Variants in CNNM2 observed in about 807,000 individuals in gnomAD.
The protein encoded by CNNM2 is metal transporter CNNM2.
A neutral mutation model predicts 66.9 loss-of-function variants in CNNM2; 12 were observed. The observed-to-expected ratio is 0.18, with a 90% CI of 0.11 to 0.29. The LOEUF is 0.29. CNNM2 is among the 10% of genes least tolerant of loss of function. The probability of loss-of-function intolerance (pLI) is 1.00; values close to 1 mark genes in which losing one functional copy is unlikely to be tolerated. For missense variants in CNNM2, 705 were observed against 1,167.7 expected (o/e 0.60, Z 5.77); for synonymous variants, 557 against 501.8 (o/e 1.11, Z -1.47).
rs181830026 is a variant in CNNM2, at chr10:102,967,977, C to T, written c.1621+47876C>T. Among the ~76,000 whole-genome samples, 6 of 152,338 alleles carry T rather than the reference C, an allele frequency of 3.9e-5. No individual in the cohort carries two copies. In the East Asian group the frequency reaches 1.2e-3, roughly 29 times the overall value. On this transcript the variant is annotated intron_variant, in intron 1 of 7. Transcript: ENST00000369878. ...GAGCTGAGATTGTGTCACTGTGCTC[C>T]AGCCTGAGCGACACAGTGAGACTCT...
At chr10:103,049,530 A>G (rs1338323628) in intron 1 of CNNM2, among the ~76,000 whole-genome samples, 177 bp from the exon 2 acceptor site, 1 of 152,178 alleles carries the variant, frequency 6.6e-6, no homozygotes, top group Non-Finnish European at 1.5e-5. Context: ...TCTGCCTTTT[A>G]ATGGCTCTTG....
chr10:103,056,755 CTGTT>C, intron 3 of CNNM2, 36 bp from the exon 4 acceptor site: 1 of 1,576,884 alleles, frequency 6.3e-7, no homozygotes, highest in African/African-American at 1.3e-5. Flanking sequence ...TTTTCTCTCT[CTGTT>C]TGAAATGTAA....
chr10:102,925,296 CAAAAAAAAAAAA>C (rs10624810), intron 1 of CNNM2, among the ~76,000 whole-genome samples: 13 of 17,748 alleles, frequency 7.3e-4, no homozygotes, highest in African/African-American at 1.3e-3. Flanking sequence ...AACTCCATCT[CAAAAAAAAAAAA>C]AAAAAAAAAA....
intron 1 of CNNM2, among the ~76,000 whole-genome samples, chr10:102,974,726 A>G (rs1024663942): frequency 3.9e-5 from 6 of 152,154 alleles, no homozygotes; most frequent in Admixed American, 3.3e-4. Flanking sequence ...TCATACAGGC[A>G]GGGTCTCACC....
intron 1 of CNNM2, among the ~76,000 whole-genome samples, chr10:102,930,320 A>C (rs1249862377): frequency 6.6e-6 from 1 of 152,210 alleles, no homozygotes; most frequent in East Asian, 1.9e-4. Flanking sequence ...ACGTGGAAAA[A>C]ATGAAAATAG....
At chr10:102,936,797 C>A (rs1034547874) in intron 1 of CNNM2, among the ~76,000 whole-genome samples, 1 of 151,994 alleles carries the variant, frequency 6.6e-6, no homozygotes, top group Non-Finnish European at 1.5e-5. Flanking sequence ...CTGTGTTGCT[C>A]CAAGTTTTTC....
intron 4 of CNNM2, among the ~76,000 whole-genome samples, chr10:103,068,135 T>A (rs2065512599): frequency 6.6e-6 from 1 of 152,210 alleles, no homozygotes; most frequent in African/African-American, 2.4e-5. Flanking sequence ...GAGCACCACC[T>A]TTCCATTGCT....
chr10:103,018,978 A>AG, intron 1 of CNNM2, among the ~76,000 whole-genome samples: 1 of 148,324 alleles, frequency 6.7e-6, no homozygotes, highest in Non-Finnish European at 1.5e-5. Context: ...TCTTAAAAGG[A>AG]TATTTACGGC....
rs59984156 is a variant in CNNM2 at position 103,017,963 on chromosome 10, C to CAA, written c.1622-31727_1622-31726dup. On this transcript the variant is annotated intron_variant, in intron 1 of 7. Coordinates refer to ENST00000369878, the MANE Select transcript of CNNM2 (RefSeq NM_017649.5). ...TGGGGGACAGAGCAAGAATCTGTCT[C>CAA]AAAAAAAAAAAAAAAAAAGGCAAGC... is the stretch of plus-strand genomic sequence containing the variant. Among the ~76,000 whole-genome samples, 168 of 78,832 alleles carry CAA rather than the reference C, an allele frequency of 2.1e-3. 3 individuals are homozygous for CAA. Among genetic ancestry groups the CAA allele is most frequent in the South Asian group, 4.1e-3 (11 of 2,680 alleles). 51.7% of individuals were successfully genotyped at this position (78,832 alleles called of 152,430 possible).
chr10:102,946,042 A>G (rs909228077), intron 1 of CNNM2, among the ~76,000 whole-genome samples: 6 of 152,110 alleles, frequency 3.9e-5, no homozygotes, highest in Non-Finnish European at 7.4e-5. Flanking sequence ...TATTTGATCT[A>G]TAATGTGCAA....
chr10:103,037,663 A>G (rs1437796782), intron 1 of CNNM2, among the ~76,000 whole-genome samples: 1 of 152,180 alleles, frequency 6.6e-6, no homozygotes, highest in Non-Finnish European at 1.5e-5. Context: ...AGTACAAAGG[A>G]AAACTCTAGA....
At chr10:102,934,456 T>A (rs1237953886) in intron 1 of CNNM2, among the ~76,000 whole-genome samples, 2 of 151,624 alleles carry the variant, frequency 1.3e-5, no homozygotes, top group African/African-American at 4.8e-5. Context: ...AATTTTTGTA[T>A]TTTTAGTAGA....
At chr10:102,990,469 G>T (rs1454546514) in intron 1 of CNNM2, among the ~76,000 whole-genome samples, 2 of 152,188 alleles carry the variant, frequency 1.3e-5, no homozygotes, top group Non-Finnish European at 2.9e-5. Context: ...GAGCAAGATG[G>T]CTTTAGTAAG....
intron 1 of CNNM2, among the ~76,000 whole-genome samples, chr10:102,947,919 G>T (rs1398369615): frequency 6.6e-6 from 1 of 152,092 alleles, no homozygotes; most frequent in Non-Finnish European, 1.5e-5. Context: ...CGGGCGTGGT[G>T]GCAGGCACCT....
At chr10:103,039,167 T>C (rs1429956809) in intron 1 of CNNM2, among the ~76,000 whole-genome samples, 2 of 152,068 alleles carry the variant, frequency 1.3e-5, no homozygotes, top group Non-Finnish European at 2.9e-5. Flanking sequence ...TTTTTTGAGA[T>C]GGAGTCTCGC....
chr10:102,922,441 A>C (rs903992208), intron 1 of CNNM2, among the ~76,000 whole-genome samples: 6 of 152,060 alleles, frequency 3.9e-5, no homozygotes, highest in African/African-American at 1.5e-4. Context: ...TCATTTTCTA[A>C]ATCAATTATG....
At chr10:103,068,483 T>C in intron 4 of CNNM2, 146 bp from the exon 5 acceptor site, 1 of 705,180 alleles carries the variant, frequency 1.4e-6, no homozygotes, top group Non-Finnish European at 2.6e-6. Flanking sequence ...CTCCTCTCAG[T>C]GGGAAAGATG....
At chr10:102,981,975 A>T (rs1351942787) in intron 1 of CNNM2, among the ~76,000 whole-genome samples, 1 of 151,996 alleles carries the variant, frequency 6.6e-6, no homozygotes, top group South Asian at 2.1e-4. Context: ...TTCTCATGGT[A>T]ACAGTGGAGG....
At chr10:102,968,227 G>T (rs923612550) in intron 1 of CNNM2, among the ~76,000 whole-genome samples, 2 of 151,604 alleles carry the variant, frequency 1.3e-5, no homozygotes, top group African/African-American at 2.4e-5. Flanking sequence ...ACATCTTTTT[G>T]TTGTTGTTGT....
Sources: allele counts gnomAD v4.1 joint callset (sites outside exome capture counted in the v4.1 genomes callset), GRCh38; gene constraint gnomAD v4.1.1; transcripts MANE v1.5; gene names NCBI Gene and HGNC (gene_info 2026-07-23, HGNC 2026-07-21).